LRMDA: variants seen among roughly 807,000 people sequenced by gnomAD.
The protein encoded by LRMDA is leucine-rich melanocyte differentiation-associated protein.
In LRMDA, 18 loss-of-function variants were observed where a neutral mutation model predicts 29.8. The observed-to-expected ratio is 0.60, with a 90% CI of 0.42 to 0.90. The LOEUF is 0.90. Among genes scored for constraint, LRMDA ranks in the 40% least tolerant of loss-of-function variants. The pLI, the probability that LRMDA is intolerant of heterozygous loss-of-function variation, is 0.00. For missense variants in LRMDA, 273 were observed against 273.9 expected (o/e 1.00, Z 0.02); for synonymous variants, 125 against 109.4 (o/e 1.14, Z -0.89).
intron 2 of LRMDA, among the ~76,000 whole-genome samples, chr10:75,576,623 T>C (rs759298722): frequency 6.6e-6 from 1 of 152,062 alleles, no homozygotes; most frequent in Non-Finnish European, 1.5e-5. Flanking sequence ...ACAGGAGAGC[T>C]CTGTTTGGCA....
At chr10:75,653,057 G>C (rs1348268472) in intron 2 of LRMDA, among the ~76,000 whole-genome samples, 3 of 152,174 alleles carry the variant, frequency 2.0e-5, no homozygotes, top group Non-Finnish European at 2.9e-5. Flanking sequence ...GGTCACATTA[G>C]GTGATTTCTG....
chr10:75,925,198 T>A (rs1846099389), intron 2 of LRMDA, among the ~76,000 whole-genome samples: 1 of 148,160 alleles, frequency 6.7e-6, no homozygotes, highest in Non-Finnish European at 1.5e-5. Flanking sequence ...AATAATCTGA[T>A]TTTTTTTTGT....
intron 2 of LRMDA, among the ~76,000 whole-genome samples, chr10:76,030,601 C>T (rs1388191370): frequency 6.6e-6 from 1 of 152,108 alleles, no homozygotes; most frequent in Non-Finnish European, 1.5e-5. Context: ...CCATCCTGGC[C>T]AACATGGTGA....
At chr10:76,357,645 G>A (rs1841258545) in intron 6 of LRMDA, among the ~76,000 whole-genome samples, 1 of 152,120 alleles carries the variant, frequency 6.6e-6, no homozygotes, top group Admixed American at 6.6e-5. Flanking sequence ...GAGTGAACTA[G>A]CTGCAGAGAC....
chr10:76,123,353 A>T (rs1366994115), intron 5 of LRMDA, among the ~76,000 whole-genome samples: 2 of 151,918 alleles, frequency 1.3e-5, no homozygotes, highest in Non-Finnish European at 2.9e-5. Context: ...AAAAAAAAAA[A>T]AAAAAATTAG....
intron 2 of LRMDA, chr10:75,450,204 C>T (rs1359073539): frequency 6.6e-6 from 1 of 152,202 alleles, no homozygotes. Flanking sequence ...CATCACTGTC[C>T]TAGCACAAGG....
chr10:75,584,285 C>T (rs1016708111), intron 2 of LRMDA, among the ~76,000 whole-genome samples: 8 of 152,144 alleles, frequency 5.3e-5, no homozygotes, highest in Admixed American at 3.9e-4. Context: ...GCTTGAGTAA[C>T]CTCTGCTAGG....
intron 5 of LRMDA, among the ~76,000 whole-genome samples, chr10:76,148,216 A>G (rs1349445426): frequency 2.6e-5 from 4 of 152,208 alleles, no homozygotes; most frequent in African/African-American, 9.6e-5. Flanking sequence ...CAAAGCTGTC[A>G]GAGAGGGACA....
At chr10:76,014,134 A>ATATATATATAAT (rs1564630485) in intron 2 of LRMDA, among the ~76,000 whole-genome samples, 1 of 139,934 alleles carries the variant, frequency 7.1e-6, no homozygotes, top group Non-Finnish European at 1.5e-5. Context: ...AATTATATAT[A>ATATATATATAAT]TATATATATA....
chr10:75,511,825 A>G (rs537467535), intron 2 of LRMDA, among the ~76,000 whole-genome samples: 294 of 152,104 alleles, frequency 1.9e-3, no homozygotes, highest in African/African-American at 6.7e-3. Context: ...CACCAGAGAG[A>G]ATTGGGTCTT....
At chr10:76,389,906 A>T (rs990100261) in intron 6 of LRMDA, among the ~76,000 whole-genome samples, 1 of 152,216 alleles carries the variant, frequency 6.6e-6, no homozygotes, top group East Asian at 1.9e-4. Context: ...TCTGCCTTTT[A>T]TCTATTATGA....
intron 3 of LRMDA, among the ~76,000 whole-genome samples, chr10:76,040,784 G>A (rs1352939980): frequency 1.3e-5 from 2 of 152,302 alleles, no homozygotes; most frequent in African/African-American, 4.8e-5. Context: ...GGGGTGTGTG[G>A]GGGGCACATA....
intron 2 of LRMDA, among the ~76,000 whole-genome samples, chr10:75,617,540 TCC>T (rs1201842769): frequency 6.6e-6 from 1 of 151,954 alleles, no homozygotes; most frequent in African/African-American, 2.4e-5. Flanking sequence ...ATTCAGTGGC[TCC>T]CACCGACTAG....
At chr10:76,279,582 G>A (rs1489867560) in intron 5 of LRMDA, among the ~76,000 whole-genome samples, 5 of 84,496 alleles carry the variant, frequency 5.9e-5, no homozygotes, top group African/African-American at 2.4e-4. Flanking sequence ...TTTCGCTCTT[G>A]TTGCCCAGGC....
chr10:76,356,835 C>T (rs1030629486), intron 6 of LRMDA, among the ~76,000 whole-genome samples: 8 of 152,072 alleles, frequency 5.3e-5, no homozygotes, highest in African/African-American at 9.7e-5. Flanking sequence ...GGAATTTCAG[C>T]GTGTCTTCCA....
intron 6 of LRMDA, among the ~76,000 whole-genome samples, chr10:76,466,739 C>T (rs1383974329): frequency 1.3e-5 from 2 of 152,110 alleles, no homozygotes; most frequent in African/African-American, 4.8e-5. Context: ...CTGCAGTGAG[C>T]TATGATCACA....
chr10:76,272,504 T>A (rs1840080560), intron 5 of LRMDA, among the ~76,000 whole-genome samples: 1 of 152,202 alleles, frequency 6.6e-6, no homozygotes, highest in Admixed American at 6.5e-5. Flanking sequence ...TGCATTAAAT[T>A]CGGTTTACCT....
intron 2 of LRMDA, among the ~76,000 whole-genome samples, chr10:75,652,249 G>A (rs1459546162): frequency 2.0e-5 from 3 of 152,196 alleles, no homozygotes; most frequent in Non-Finnish European, 4.4e-5. Context: ...ACCTCCTGAC[G>A]TTGTGTAACA....
intron 2 of LRMDA, among the ~76,000 whole-genome samples, chr10:75,876,081 T>C (rs1845193132): frequency 6.6e-6 from 1 of 152,144 alleles, no homozygotes; most frequent in African/African-American, 2.4e-5. Context: ...GAGACCTGAC[T>C]GGGGAACACT....
Sources: gnomAD v4.1 joint callset for allele counts (sites outside exome capture counted in the v4.1 genomes callset) on GRCh38, gnomAD v4.1.1 for gene constraint, MANE v1.5 for transcripts, NCBI Gene and HGNC (gene_info 2026-07-23, HGNC 2026-07-21) for gene names.